Variants in CERS1 observed in about 807,000 individuals in gnomAD.
The protein encoded by CERS1 is Embryonic growth/differentiation factor 1.
A neutral mutation model predicts 35.7 loss-of-function variants in CERS1; 16 were observed. That is an observed-to-expected ratio of 0.45 (90% CI 0.30 to 0.68). CERS1 has a LOEUF of 0.68. CERS1 is among the 30% of genes least tolerant of loss of function. The probability of loss-of-function intolerance (pLI) is 0.08; values close to 1 mark genes in which losing one functional copy is unlikely to be tolerated. For synonymous variants in CERS1, 243 were observed against 201.6 expected (o/e 1.21, Z -1.74); for missense variants, 454 against 453.9 (o/e 1.00, Z 0.00).
intron 1 of CERS1, 98 bp from the exon 2 acceptor site, chr19:18,893,673 G>T (rs2056553730): frequency 7.9e-7 from 1 of 1,267,172 alleles, no homozygotes. Context: ...CCCCAGGCCG[G>T]GCAGCACTGG....
Position 18,869,175 on chromosome 19 carries a change from C to T in CERS1, c.*810G>A. 8.7e-7 allele frequency: 1 copy of T among 1,156,034 alleles called. No individual in the cohort carries two copies. The highest frequency in any genetic ancestry group is 1.1e-6 in the Non-Finnish European group (1 of 940,234). The allele number at this position is 1,156,034 out of a possible 1,614,324, so 71.6% of individuals were successfully genotyped here. On this transcript the variant is annotated 3_prime_UTR_variant, in exon 8 of 8. Transcript: ENST00000623882. ...GCGGGCACCAACTGGCGGAGCAGCA[C>T]CGGCCCGGGGTCCGCGCCCGCGCCC...
chr19:18,890,356 A>G (rs2146059286), intron 2 of CERS1, among the ~76,000 whole-genome samples: 1 of 152,324 alleles, frequency 6.6e-6, no homozygotes, highest in South Asian at 2.1e-4. Context: ...CCCCTGCCAC[A>G]CGGCCAGCTT....
chr19:18,886,506 G>A (rs1236083970), intron 2 of CERS1, among the ~76,000 whole-genome samples: 1 of 152,092 alleles, frequency 6.6e-6, no homozygotes, highest in Admixed American at 6.5e-5. Context: ...CAGGAACTAA[G>A]ATGTTGCCAC....
In CERS1 at chr19:18,868,948, T is replaced by C. The variant is rs2055906927; in HGVS notation, c.*1037A>G. The stretch of plus-strand genomic sequence containing the variant: ...CCCCGGGGCCGCCGCCCAACACGGG[T>C]TCGGCGTCGCGCCGCGGCCGGGCCA... On this transcript the variant is annotated 3_prime_UTR_variant, in exon 8 of 8. Coordinates refer to ENST00000623882, the MANE Select transcript of CERS1 (RefSeq NM_021267.5). 2 of 1,223,784 alleles carry C rather than the reference T, an allele frequency of 1.6e-6. No homozygotes were observed. Among genetic ancestry groups the C allele is most frequent in the Admixed American group, 4.7e-5 (1 of 21,272 alleles). The allele number at this position is 1,223,784 out of a possible 1,614,324, so 75.8% of individuals were successfully genotyped here.
chr19:18,875,581 A>G (rs1460047121), intron 6 of CERS1, among the ~76,000 whole-genome samples: 1 of 151,712 alleles, frequency 6.6e-6, no homozygotes. Flanking sequence ...TTCAACTGTT[A>G]AAACGGTAAT....
chr19:18,887,424 CAG>C (rs1027149728), intron 2 of CERS1, among the ~76,000 whole-genome samples: 1 of 152,096 alleles, frequency 6.6e-6, no homozygotes, highest in Non-Finnish European at 1.5e-5. Flanking sequence ...CAGACCTAGA[CAG>C]AGGGGGTGGT....
At chr19:18,875,471 A>G (rs1313540054) in intron 6 of CERS1, among the ~76,000 whole-genome samples, 3 of 150,718 alleles carry the variant, frequency 2.0e-5, no homozygotes, top group Non-Finnish European at 3.0e-5. Context: ...TGAACCTGGG[A>G]GGCGGAGGTT....
chr19:18,868,615 G>A lies in CERS1; in HGVS notation c.*1370C>T. The A allele has an allele frequency of 1.3e-6, 2 of 1,564,518 alleles. No individual in the cohort carries two copies. Among genetic ancestry groups the A allele is most frequent in the Non-Finnish European group, 1.7e-6 (2 of 1,154,688 alleles). ...CCCCGGGTTAGCGGCAGCCGCACTC[G>A]TCCACCACCATGTCCTCATACTGCC... On this transcript the variant is annotated 3_prime_UTR_variant, in exon 8 of 8. Coordinates refer to ENST00000623882, the MANE Select transcript of CERS1 (RefSeq NM_021267.5).
Position 18,870,677 on chromosome 19 carries a change from C to G in CERS1, c.1011-58G>C. The G allele has an allele frequency of 3.9e-6, 2 of 510,026 alleles. No homozygotes were observed. Among genetic ancestry groups the G allele is most frequent in the East Asian group, 6.8e-5 (2 of 29,438 alleles). 31.6% of individuals were successfully genotyped at this position (510,026 alleles called of 1,614,324 possible). A position where few individuals can be genotyped will look rare whatever the true frequency, so the allele number is the denominator to read the frequency against. On this transcript the variant is annotated intron_variant, in intron 6 of 7. Transcript: ENST00000623882. The surrounding 1 kb of genome is among the most constrained non-coding windows in gnomAD (Gnocchi z 5.1). ...GAGCCCCACGCGGCCGCCTGGCCCT[C>G]TTTCCCGCTTCTTCTCTGGCCGTTT...
At chr19:18,869,430 C>G in intron 7 of CERS1, 40 bp from the exon 8 acceptor site, 2 of 1,519,730 alleles carry the variant, frequency 1.3e-6, no homozygotes, top group Non-Finnish European at 1.8e-6. Context: ...GCGCTGCGTC[C>G]CCGGCCTGCC....
At chr19:18,882,483 A>C (rs975514548) in intron 3 of CERS1, among the ~76,000 whole-genome samples, 1 of 151,304 alleles carries the variant, frequency 6.6e-6, no homozygotes, top group African/African-American at 2.4e-5. Flanking sequence ...AAATATAATA[A>C]TTAGCCGGTG....
Position 18,868,786 on chromosome 19 carries a change from C to T in CERS1, c.*1199G>A. On this transcript the variant is annotated 3_prime_UTR_variant, in exon 8 of 8. Transcript: ENST00000623882. ...CAGCGTGGTTGAGCGCCGGCGGCCC[C>T]CCGGACCCCGACAGCGCGACGGGCA... is the stretch of plus-strand genomic sequence containing the variant. 1.4e-6 allele frequency: 2 copies of T among 1,463,748 alleles called. No individual in the cohort carries two copies. Among genetic ancestry groups the T allele is most frequent in the Non-Finnish European group, 1.8e-6 (2 of 1,098,688 alleles). 90.7% of individuals were successfully genotyped at this position (1,463,748 alleles called of 1,614,324 possible). A position where few individuals can be genotyped will look rare whatever the true frequency, so the allele number is the denominator to read the frequency against.
rs1396826999 is a variant in CERS1 at position 18,868,776 on chromosome 19, C to T, written c.*1209G>A. On this transcript the variant is annotated 3_prime_UTR_variant, in exon 8 of 8. Transcript: ENST00000623882. ...GCGCGCAGCACAGCGTGGTTGAGCG[C>T]CGGCGGCCCCCCGGACCCCGACAGC... The T allele has an allele frequency of 2.0e-6, 3 of 1,469,090 alleles. No individual in the cohort carries two copies. Among genetic ancestry groups the T allele is most frequent in the Non-Finnish European group, 2.7e-6 (3 of 1,102,174 alleles). 91.0% of individuals were successfully genotyped at this position (1,469,090 alleles called of 1,614,324 possible). A position where few individuals can be genotyped will look rare whatever the true frequency, so the allele number is the denominator to read the frequency against.
intron 6 of CERS1, among the ~76,000 whole-genome samples, chr19:18,873,931 G>A (rs987165730): frequency 2.6e-5 from 4 of 151,994 alleles, no homozygotes; most frequent in East Asian, 1.9e-4. Context: ...AGTGGTCTTC[G>A]GGATGGGGGG....
chr19:18,870,337 G>T lies in CERS1; in HGVS notation c.*240C>A. 6.5e-7 allele frequency: 1 copy of T among 1,543,298 alleles called. No individual in the cohort carries two copies. On this transcript the variant is annotated 3_prime_UTR_variant, in exon 7 of 8. Transcript: ENST00000623882. The surrounding 1 kb of genome is among the most constrained non-coding windows in gnomAD (Gnocchi z 5.1). Reference sequence around the variant, plus strand: ...CTCCCAGGCGATGACCAGAGAGTGCGCAGGGTCCGCGGCGGCCCGGGACCA... The same window carrying T: ...CTCCCAGGCGATGACCAGAGAGTGCTCAGGGTCCGCGGCGGCCCGGGACCA...
rs1218431573 is a variant in CERS1 at position 18,878,607 on chromosome 19, C to G, written c.1010+323G>C. ...CATCCAGGCTGGCCAGCAACTACTC[C>G]TCACCACCCACAGGGCCCTGGCTCG... On this transcript the variant is annotated intron_variant, in intron 6 of 7. Coordinates refer to ENST00000623882, the MANE Select transcript of CERS1 (RefSeq NM_021267.5). This position sits in a 1 kb window ranked among gnomAD's most constrained non-coding sequence, Gnocchi z 4.6. 5 of 1,159,322 alleles carry G rather than the reference C, an allele frequency of 4.3e-6. No homozygotes were observed. The African/African-American group carries it at 8.0e-5, about 19-fold the overall frequency. 71.8% of individuals were successfully genotyped at this position (1,159,322 alleles called of 1,614,324 possible).
intron 7 of CERS1, among the ~76,000 whole-genome samples, chr19:18,869,672 G>C (rs1601145187): frequency 7.1e-6 from 1 of 140,708 alleles, no homozygotes; most frequent in East Asian, 2.3e-4. Flanking sequence ...GGCCCCTGGG[G>C]AAGCCATGCT....
intron 7 of CERS1, 122 bp from the exon 8 acceptor site, chr19:18,869,512 TGTGAAGCGGCGGG>T: frequency 8.4e-7 from 1 of 1,188,494 alleles, no homozygotes; most frequent in Non-Finnish European, 1.1e-6. Context: ...GTGGGAAGGG[TGTGAAGCGGCGGG>T]GTGGGCTGAT....
chr19:18,888,643 CA>C (rs2056419776), intron 2 of CERS1, among the ~76,000 whole-genome samples: 2 of 151,116 alleles, frequency 1.3e-5, no homozygotes, highest in African/African-American at 4.9e-5. Context: ...CCAGCCTGAC[CA>C]ACATGGTGAA....
Sources: gnomAD v4.1 joint callset for allele counts (sites outside exome capture counted in the v4.1 genomes callset) on GRCh38, gnomAD v4.1.1 for gene constraint, Gnocchi (gnomAD v3.1) non-coding constraint, MANE v1.5 for transcripts, NCBI Gene and HGNC (gene_info 2026-07-23, HGNC 2026-07-21) for gene names.